DHRS9: variants seen among roughly 807,000 people sequenced by gnomAD.
DHRS9 encodes dehydrogenase/reductase SDR family member 9.
In DHRS9, 18 loss-of-function variants were observed where a neutral mutation model predicts 26.6. The ratio of observed to expected loss-of-function variants is 0.68; its 90% CI spans 0.47 to 1.00. The LOEUF is 1.00. DHRS9 is among the 50% of genes least tolerant of loss of function. The probability of loss-of-function intolerance (pLI) is 0.00; values close to 1 mark genes in which losing one functional copy is unlikely to be tolerated. For synonymous variants in DHRS9, 134 were observed against 141.1 expected, an observed-to-expected ratio of 0.95 and a Z score of 0.36; for missense variants, 425 against 378.7, an observed-to-expected ratio of 1.12 and a Z score of -1.01.
intron 1 of DHRS9, chr2:169,081,034 T>C (rs1205919411): frequency 1.0e-5 from 7 of 666,674 alleles, no homozygotes; most frequent in African/African-American, 2.0e-5. Flanking sequence ...CAAAAAATGC[T>C]CTTCTTCTCC....
intron 2 of DHRS9, 138 bp downstream of exon 2, chr2:169,082,032 C>A: frequency 2.2e-6 from 2 of 893,278 alleles, no homozygotes; most frequent in Non-Finnish European, 3.3e-6. Context: ...CTTCTCTAAT[C>A]TTAGGATAGC....
At chr2:169,072,207 A>T (rs1311953608) in intron 1 of DHRS9, among the ~76,000 whole-genome samples, 1 of 152,210 alleles carries the variant, frequency 6.6e-6, no homozygotes, top group Non-Finnish European at 1.5e-5. Context: ...TACTTTAGAA[A>T]ATCATTGCTC....
intron 4 of DHRS9, among the ~76,000 whole-genome samples, chr2:169,094,712 T>G (rs544141176): frequency 6.8e-6 from 1 of 148,114 alleles, no homozygotes; most frequent in South Asian, 2.1e-4. Flanking sequence ...TTCAGGTCTA[T>G]GTTTAAGTCT....
intron 3 of DHRS9, among the ~76,000 whole-genome samples, chr2:169,088,921 C>T (rs936724436): frequency 2.6e-5 from 4 of 152,288 alleles, no homozygotes; most frequent in African/African-American, 9.6e-5. Flanking sequence ...TCTTAAATAG[C>T]TTCTCCAAGC....
chr2:169,067,388 T>C, upstream of DHRS9: 4 of 1,394,212 alleles, frequency 2.9e-6, no homozygotes, highest in Non-Finnish European at 3.8e-6. Context: ...AGATCTGAGT[T>C]TCCTCCTTAT....
upstream of DHRS9, among the ~76,000 whole-genome samples, chr2:169,068,931 G>A (rs956829286): frequency 1.3e-5 from 2 of 152,126 alleles, no homozygotes; most frequent in East Asian, 1.9e-4. Context: ...CCCAGGATAC[G>A]CCAGGTCAAC....
At chr2:169,084,985 A>G (rs1241012981) in intron 3 of DHRS9, among the ~76,000 whole-genome samples, 1 of 152,140 alleles carries the variant, frequency 6.6e-6, no homozygotes, top group African/African-American at 2.4e-5. Context: ...TAAGTCTTTA[A>G]TCCATTTTGA....
chr2:169,095,520 A>C (rs750395104), intron 4 of DHRS9, 24 bp from the exon 5 acceptor site: 2 of 1,584,294 alleles, frequency 1.3e-6, no homozygotes, highest in Non-Finnish European at 1.7e-6. Flanking sequence ...ACCAAAGAGT[A>C]AATGTACTTT....
At chr2:169,089,299 G>T (rs1684447681) in intron 3 of DHRS9, among the ~76,000 whole-genome samples, 2 of 152,154 alleles carry the variant, frequency 1.3e-5, no homozygotes, top group South Asian at 4.1e-4. Context: ...AATAACCAGT[G>T]TTGACACCAC....
upstream of DHRS9, chr2:169,069,542 A>G: frequency 1.0e-6 from 1 of 985,396 alleles, no homozygotes; most frequent in Non-Finnish European, 1.2e-6. Flanking sequence ...AGAGAACCTG[A>G]GGATTCCTCA....
chr2:169,094,709 C>CT (rs34561384), intron 4 of DHRS9, among the ~76,000 whole-genome samples: 66,283 of 151,550 alleles, frequency 0.44, 17,142 homozygotes, highest in African/African-American at 0.73. Flanking sequence ...AATTTCAGGT[C>CT]TATGTTTAAG....
intron 1 of DHRS9, chr2:169,070,746 C>T (rs1162307709): frequency 4.1e-6 from 4 of 985,244 alleles, no homozygotes; most frequent in East Asian, 1.1e-4. Flanking sequence ...TAACAAATGT[C>T]ACTGTCTTAA....
chr2:169,088,801 AG>A (rs994909483), intron 3 of DHRS9, among the ~76,000 whole-genome samples: 2 of 152,220 alleles, frequency 1.3e-5, no homozygotes, highest in Non-Finnish European at 2.9e-5. Context: ...TCAGATATTT[AG>A]GGAATCATAT....
chr2:169,070,221 A>T, intron 1 of DHRS9: 1 of 985,410 alleles, frequency 1.0e-6, no homozygotes, highest in Non-Finnish European at 1.2e-6. Context: ...AGGGGAAAAA[A>T]TGCCTTGTAG....
At position 169,070,473 on chromosome 2, in the gene DHRS9, A is replaced by G. The variant is rs886714356; in HGVS notation, c.-60+756A>G. The G allele has an allele frequency of 1.2e-5, 12 of 985,310 alleles. No homozygotes were observed. In the African/African-American group the frequency reaches 1.9e-4, roughly 16 times the overall value. The allele number at this position is 985,310 out of a possible 1,614,324, so 61.0% of individuals were successfully genotyped here. On this transcript the variant is annotated intron_variant, in intron 1 of 4. Coordinates refer to ENST00000674881, the MANE Select transcript of DHRS9 (RefSeq NM_001376924.1). Reference sequence around the variant, plus strand: ...AAATGGCTCTGAAATGTCCCACTACACTGTTAGACCAAGGGCACAGATTGT... The same window carrying G: ...AAATGGCTCTGAAATGTCCCACTACGCTGTTAGACCAAGGGCACAGATTGT...
At chr2:169,090,320 T>C (rs768598748) in intron 3 of DHRS9, among the ~76,000 whole-genome samples, 7 of 152,222 alleles carry the variant, frequency 4.6e-5, no homozygotes, top group Non-Finnish European at 8.8e-5. Flanking sequence ...TTGTCCCTAG[T>C]ACGTTATTTT....
intron 1 of DHRS9, among the ~76,000 whole-genome samples, chr2:169,079,946 A>C (rs916608804): frequency 1.1e-4 from 6 of 56,490 alleles, no homozygotes; most frequent in Non-Finnish European, 1.5e-4. Flanking sequence ...AGAGAGAGAG[A>C]GAGAGAGAGA....
intron 1 of DHRS9, chr2:169,074,362 C>T (rs1683898265): frequency 8.1e-6 from 8 of 985,406 alleles, no homozygotes; most frequent in Non-Finnish European, 9.6e-6. Flanking sequence ...GGGCTCCTAA[C>T]TACTGCTCTA....
At chr2:169,080,618 A>G (rs1403292311) in intron 1 of DHRS9, among the ~76,000 whole-genome samples, 1 of 152,254 alleles carries the variant, frequency 6.6e-6, no homozygotes, top group African/African-American at 2.4e-5. Flanking sequence ...AAGGAAAGAA[A>G]GCCCTCTACC....
Sources: gnomAD v4.1 joint callset for allele counts (sites outside exome capture counted in the v4.1 genomes callset) on GRCh38, gnomAD v4.1.1 for gene constraint, MANE v1.5 for transcripts, NCBI Gene and HGNC (gene_info 2026-07-23, HGNC 2026-07-21) for gene names.